The following NDUFC2 variants were observed in gnomAD, a reference collection of about 807,000 sequenced individuals.
NDUFC2 encodes NADH:ubiquinone oxidoreductase subunit C2, also known as NADH dehydrogenase [ubiquinone] 1 subunit C2.
NDUFC2 carries 2 observed loss-of-function variants against 10.1 expected under a neutral mutation model. That is an observed-to-expected ratio of 0.20 (90% CI 0.08 to 0.62). NDUFC2 has a LOEUF of 0.62. Ranked by LOEUF, NDUFC2 falls within the 20% of genes least tolerant of loss-of-function variation. The pLI, the probability that NDUFC2 is intolerant of heterozygous loss-of-function variation, is 0.87. For synonymous variants in NDUFC2, 61 were observed against 63.6 expected (o/e 0.96, Z 0.20); for missense variants, 156 against 159.6 (o/e 0.98, Z 0.12).
chr11:78,071,242 A>G (rs1858993073), intron 2 of NDUFC2, among the ~76,000 whole-genome samples: 1 of 150,548 alleles, frequency 6.6e-6, no homozygotes, highest in South Asian at 2.1e-4. Flanking sequence ...ACGCATTTAC[A>G]TTAACAGAAG....
intron 1 of NDUFC2, among the ~76,000 whole-genome samples, chr11:78,077,321 C>G (rs1859293360): frequency 6.6e-6 from 1 of 151,606 alleles, no homozygotes; most frequent in Non-Finnish European, 1.5e-5. Context: ...TGTAAATGAA[C>G]AATTTACAAA....
chr11:78,079,687 G>C lies in NDUFC2; in HGVS notation c.58C>G (p.Leu20Val). The C allele has an allele frequency of 1.2e-6, 2 of 1,610,388 alleles. No individual in the cohort carries two copies. The highest frequency in any genetic ancestry group is 2.2e-5 in the South Asian group (2 of 90,320). The stretch of plus-strand genomic sequence containing the variant: ...GGGTCGGTCAGCTTGGGCGGGGGCA[G>C]GCTCCGGGCCTCATCCGGCAGAAAC... Reference protein sequence around the residue: ...LRFLPDEARSLPPPKLTDPRL... With the variant: ...LRFLPDEARSVPPPKLTDPRL... Residue 20 changes from leucine (L) to valine (V), a missense_variant, in exon 1 of 3, where the codon CTG becomes GTG. By Grantham distance (32) the Leu-to-Val change is conservative. Coordinates refer to ENST00000281031, the MANE Select transcript of NDUFC2 (RefSeq NM_004549.6).
chr11:78,073,128 C>T lies in NDUFC2; in HGVS notation c.180G>A (p.Gln60=), dbSNP rs780668852. ...RPIATAGLHR[Q]LLYITAFFFA... ...AAAAAAAGGCCGTAATATATAGAAG[C>T]TGGCGATGCAAACCTGAAATTCAAA... The change falls in exon 2 of 3, where the codon CAG becomes CAA. Residue 60 remains glutamine (Q), a synonymous_variant. Coordinates refer to ENST00000281031, the MANE Select transcript of NDUFC2 (RefSeq NM_004549.6). The T allele has an allele frequency of 2.5e-6, 4 of 1,611,974 alleles. No individual in the cohort carries two copies. The Admixed American group carries it at 5.1e-5, about 20-fold the overall frequency.
At position 78,069,769 on chromosome 11, in the gene NDUFC2, C is replaced by T; in HGVS notation, c.*218G>A. The T allele has an allele frequency of 9.8e-6, 11 of 1,125,760 alleles. No individual in the cohort carries two copies. Among genetic ancestry groups the T allele is most frequent in the Non-Finnish European group, 1.4e-5 (11 of 786,532 alleles). The allele number at this position is 1,125,760 out of a possible 1,614,324, so 69.7% of individuals were successfully genotyped here. A position where few individuals can be genotyped will look rare whatever the true frequency, so the allele number is the denominator to read the frequency against. On this transcript the variant is annotated 3_prime_UTR_variant, in exon 3 of 3. Transcript: ENST00000281031. ...ACTCTAAACTAGAATTCAACCTCAT[C>T]TTAAAATCTTTCAGATGGGTGAATG... is the stretch of plus-strand genomic sequence containing the variant.
chr11:78,074,860 C>T (rs1859173479), intron 1 of NDUFC2, among the ~76,000 whole-genome samples: 1 of 152,220 alleles, frequency 6.6e-6, no homozygotes, highest in African/African-American at 2.4e-5. Context: ...ACTGCAGAGA[C>T]ACACAGAACC....
chr11:78,076,313 TG>T (rs1859249167), intron 1 of NDUFC2, among the ~76,000 whole-genome samples: 1 of 152,158 alleles, frequency 6.6e-6, no homozygotes, highest in African/African-American at 2.4e-5. Flanking sequence ...GGCTAATTTT[TG>T]TATTTTTAGT....
intron 2 of NDUFC2, among the ~76,000 whole-genome samples, chr11:78,070,551 C>A (rs1858958827): frequency 1.3e-5 from 2 of 152,168 alleles, no homozygotes; most frequent in African/African-American, 2.4e-5. Context: ...CTAAGACAAA[C>A]CCCTAAGAAT....
intron 1 of NDUFC2, among the ~76,000 whole-genome samples, chr11:78,077,154 T>C (rs771828538): frequency 6.6e-6 from 1 of 151,984 alleles, no homozygotes; most frequent in Non-Finnish European, 1.5e-5. Flanking sequence ...TGGCCAGGCC[T>C]GGTGGTATGT....
intron 2 of NDUFC2, among the ~76,000 whole-genome samples, chr11:78,071,955 T>C (rs1859027715): frequency 6.6e-6 from 1 of 152,206 alleles, no homozygotes; most frequent in Non-Finnish European, 1.5e-5. Context: ...TATGCATAAG[T>C]AAGTGCCTGC....
At chr11:78,073,877 C>CTT (rs879863501) in intron 1 of NDUFC2, among the ~76,000 whole-genome samples, 10 of 131,498 alleles carry the variant, frequency 7.6e-5, no homozygotes, top group African/African-American at 1.9e-4. Context: ...CCTACATATT[C>CTT]TTTTTTTTTT....
intron 1 of NDUFC2, among the ~76,000 whole-genome samples, chr11:78,074,153 T>C (rs1859144249): frequency 6.6e-6 from 1 of 152,028 alleles, no homozygotes; most frequent in Non-Finnish European, 1.5e-5. Flanking sequence ...GTGTTAGGAT[T>C]ACAGGAATGA....
At chr11:78,076,491 G>C (rs1859259513) in intron 1 of NDUFC2, among the ~76,000 whole-genome samples, 2 of 152,176 alleles carry the variant, frequency 1.3e-5, no homozygotes, top group Non-Finnish European at 1.5e-5. Context: ...CACTGAGCTA[G>C]ATAAACACAA....
chr11:78,078,194 C>T (rs1859329249), intron 1 of NDUFC2, among the ~76,000 whole-genome samples: 1 of 152,180 alleles, frequency 6.6e-6, no homozygotes, highest in African/African-American at 2.4e-5. Context: ...TTCTTGGCTC[C>T]AATCAACGCC....
rs1294831545 is a variant in NDUFC2 at position 78,079,642 on chromosome 11, A to G, written c.103T>C (p.Phe35Leu). The change falls in exon 1 of 3, where the codon TTC (phenylalanine) becomes CTC (leucine). Residue 35 changes from phenylalanine (F) to leucine (L), a missense_variant. Physicochemically the swap from Phe to Leu is conservative, Grantham distance 22. Coordinates refer to ENST00000281031, the MANE Select transcript of NDUFC2 (RefSeq NM_004549.6). ...LTDPRLLYIG[F>L]LGYCSGLIDN... Reference sequence around the variant, plus strand: ...ATCAGGCCGGAGCAGTAGCCCAAGAAGCCGATGTAGAGGAGCCGCGGGTCG... The same window carrying G: ...ATCAGGCCGGAGCAGTAGCCCAAGAGGCCGATGTAGAGGAGCCGCGGGTCG... 6.3e-7 allele frequency: 1 copy of G among 1,591,602 alleles called. No homozygotes were observed. The highest frequency in any genetic ancestry group is 2.3e-5 in the East Asian group (1 of 43,936).
intron 1 of NDUFC2, among the ~76,000 whole-genome samples, chr11:78,074,830 G>T (rs1189976445): frequency 6.6e-6 from 1 of 152,202 alleles, no homozygotes; most frequent in Non-Finnish European, 1.5e-5. Context: ...AAGAGTGCAT[G>T]TTCTCCCATG....
At chr11:78,076,298 C>T (rs756702158) in intron 1 of NDUFC2, among the ~76,000 whole-genome samples, 1 of 152,184 alleles carries the variant, frequency 6.6e-6, no homozygotes, top group Non-Finnish European at 1.5e-5. Flanking sequence ...TGTGCCATCA[C>T]GCCTGGCTAA....
chr11:78,075,668 T>G (rs1423937166), intron 1 of NDUFC2, among the ~76,000 whole-genome samples: 1 of 152,194 alleles, frequency 6.6e-6, no homozygotes, highest in Non-Finnish European at 1.5e-5. Flanking sequence ...CACTGCAGCC[T>G]CAACCACCCA....
chr11:78,078,728 C>CATTTTTTTTTTTTTTTTTTTTT (rs1859357363), intron 1 of NDUFC2, among the ~76,000 whole-genome samples: 1 of 61,642 alleles, frequency 1.6e-5, no homozygotes, highest in Admixed American at 2.6e-4. Flanking sequence ...TCAGGATCCG[C>CATTTTTTTTTTTTTTTTTTTTT]TTTTTTTTTT....
intron 1 of NDUFC2, among the ~76,000 whole-genome samples, chr11:78,074,944 C>T (rs1859179541): frequency 6.6e-6 from 1 of 152,192 alleles, no homozygotes; most frequent in African/African-American, 2.4e-5. Flanking sequence ...TGTCAGCATC[C>T]TAGCCCTAAA....
Sources: gnomAD v4.1 joint callset for allele counts (sites outside exome capture counted in the v4.1 genomes callset) on GRCh38, gnomAD v4.1.1 for gene constraint, MANE v1.5 for transcripts, NCBI Gene and HGNC (gene_info 2026-07-23, HGNC 2026-07-21) for gene names.